The following ZDHHC20 variants were observed in gnomAD, a reference collection of about 807,000 sequenced individuals.
ZDHHC20 encodes palmitoyltransferase ZDHHC20.
Under a neutral mutation model 57.8 loss-of-function variants are expected in ZDHHC20, and 43 were observed. That is an observed-to-expected ratio of 0.74 (90% CI 0.58 to 0.96). ZDHHC20 has a LOEUF of 0.96. Among genes scored for constraint, ZDHHC20 ranks in the 40% least tolerant of loss-of-function variants. The pLI is 0.00. For missense variants in ZDHHC20, 391 were observed against 441.1 expected (o/e 0.89, Z 1.02); for synonymous variants, 157 against 153.0 (o/e 1.03, Z -0.19).
At chr13:21,392,024 C>T (rs890843939) in intron 7 of ZDHHC20, among the ~76,000 whole-genome samples, 170 bp from the exon 8 acceptor site, 2 of 151,940 alleles carry the variant, frequency 1.3e-5, no homozygotes, top group Non-Finnish European at 2.9e-5. Flanking sequence ...TTGGTATTAC[C>T]AAAGCAACCT....
chr13:21,456,499 T>C (rs555656381), intron 1 of ZDHHC20, among the ~76,000 whole-genome samples: 1 of 152,322 alleles, frequency 6.6e-6, no homozygotes, highest in African/African-American at 2.4e-5. Context: ...TCCATTTAAG[T>C]CCTCCTATAA....
At chr13:21,406,541 C>T (rs967311716) in intron 4 of ZDHHC20, among the ~76,000 whole-genome samples, 10 of 151,990 alleles carry the variant, frequency 6.6e-5, no homozygotes, top group African/African-American at 2.4e-4. Flanking sequence ...CCTTCCCCTC[C>T]ACCCCCCGAC....
At chr13:21,396,401 A>T (rs866940213) in intron 7 of ZDHHC20, among the ~76,000 whole-genome samples, 3 of 152,242 alleles carry the variant, frequency 2.0e-5, no homozygotes, top group Middle Eastern at 3.2e-3. Context: ...AAAGTGCCAG[A>T]GGAAAAAAAT....
At chr13:21,401,524 T>C (rs192864405) in intron 6 of ZDHHC20, 129 bp downstream of exon 6, 10 of 731,958 alleles carry the variant, frequency 1.4e-5, no homozygotes, top group African/African-American at 7.5e-5. Context: ...TACAAATCTA[T>C]GCATATATGT....
intron 1 of ZDHHC20, among the ~76,000 whole-genome samples, chr13:21,450,569 A>C (rs893948725): frequency 6.6e-6 from 1 of 152,168 alleles, no homozygotes; most frequent in African/African-American, 2.4e-5. Flanking sequence ...TTAACTCACT[A>C]GTAGTCATGA....
Position 21,374,399 on chromosome 13 carries a change from GT to G in ZDHHC20, c.*2296del. 2 of 455,628 alleles carry G rather than the reference GT, an allele frequency of 4.4e-6. No individual in the cohort carries two copies. Among genetic ancestry groups the G allele is most frequent in the South Asian group, 3.1e-5 (2 of 64,532 alleles). 28.2% of individuals were successfully genotyped at this position (455,628 alleles called of 1,614,324 possible). On this transcript the variant is annotated 3_prime_UTR_variant, in exon 13 of 13. Coordinates refer to ENST00000400590, the MANE Select transcript of ZDHHC20 (RefSeq NM_001330059.2). ...GCCACCATGCCTGGACAGTTTTGGGGTTTTTTTGTATTTTTAGTGGAGACAG... is the reference window on the plus strand; with the variant it reads ...GCCACCATGCCTGGACAGTTTTGGGGTTTTTTGTATTTTTAGTGGAGACAG...
At chr13:21,438,849 G>C in intron 1 of ZDHHC20, among the ~76,000 whole-genome samples, 1 of 152,182 alleles carries the variant, frequency 6.6e-6, no homozygotes, top group East Asian at 1.9e-4. Context: ...CCAGCCTTCA[G>C]CAACAACCTC....
chr13:21,456,927 T>C (rs1222943017), intron 1 of ZDHHC20, among the ~76,000 whole-genome samples: 1 of 152,216 alleles, frequency 6.6e-6, no homozygotes, highest in Non-Finnish European at 1.5e-5. Flanking sequence ...TGAAGTTATA[T>C]GAAAGAACGG....
In ZDHHC20 at chr13:21,376,763, T is replaced by C. The variant is rs1021638104; in HGVS notation, c.*41-108A>G. On this transcript the variant is annotated intron_variant, in intron 12 of 12. Coordinates refer to ENST00000400590, the MANE Select transcript of ZDHHC20 (RefSeq NM_001330059.2). Reference sequence around the variant, plus strand: ...GTACAAAGCTACTAATATAACAAGATGGAAAATGAATTCCTTAACACTACT... The same window carrying C: ...GTACAAAGCTACTAATATAACAAGACGGAAAATGAATTCCTTAACACTACT... 4.1e-5 allele frequency: 26 copies of C among 632,732 alleles called. No homozygotes were observed. The African/African-American group carries it at 4.6e-4, about 11-fold the overall frequency. 39.2% of individuals were successfully genotyped at this position (632,732 alleles called of 1,614,324 possible). A position where few individuals can be genotyped will look rare whatever the true frequency, so the allele number is the denominator to read the frequency against.
chr13:21,442,733 C>T (rs1023942363), intron 1 of ZDHHC20, among the ~76,000 whole-genome samples: 7 of 151,726 alleles, frequency 4.6e-5, no homozygotes, highest in South Asian at 2.1e-4. Context: ...CCAGCCTGGA[C>T]GACAGAGCGA....
chr13:21,454,556 G>A (rs1884746780), intron 1 of ZDHHC20, among the ~76,000 whole-genome samples: 1 of 152,032 alleles, frequency 6.6e-6, no homozygotes, highest in East Asian at 1.9e-4. Context: ...CAATGACCTT[G>A]GTTTCCACAT....
rs185781117 is a variant in ZDHHC20 at position 21,456,169 on chromosome 13, G to A, written c.118+2885C>T. On this transcript the variant is annotated intron_variant, in intron 1 of 12. Transcript: ENST00000400590. ...GCCTGTAATCCCAGCACTTTGGGAG[G>A]CCAAGGTGGGTGGATTGCCTGAGGT... is the stretch of plus-strand genomic sequence containing the variant. Among the ~76,000 whole-genome samples, 500 of 152,284 alleles carry A rather than the reference G, an allele frequency of 3.3e-3. 3 individuals carry two copies. The highest frequency in any genetic ancestry group is 5.4e-3 in the Non-Finnish European group (364 of 68,026).
intron 1 of ZDHHC20, among the ~76,000 whole-genome samples, chr13:21,443,527 G>C (rs1335601172): frequency 6.6e-6 from 1 of 152,176 alleles, no homozygotes; most frequent in Non-Finnish European, 1.5e-5. Context: ...CTATGCCATA[G>C]GCCCAGGTTA....
chr13:21,429,012 GACA>G, intron 1 of ZDHHC20, among the ~76,000 whole-genome samples: 1 of 152,222 alleles, frequency 6.6e-6, no homozygotes, highest in South Asian at 2.1e-4. Context: ...CTCATTTAGA[GACA>G]ACATTAATTT....
At chr13:21,459,026 C>T (rs750236882) in intron 1 of ZDHHC20, 28 bp downstream of exon 1, 6 of 1,553,050 alleles carry the variant, frequency 3.9e-6, no homozygotes, top group East Asian at 4.9e-5. Flanking sequence ...GCCCGCGCCC[C>T]GCCGCAGTCC....
chr13:21,374,662 G>A lies in ZDHHC20; in HGVS notation c.*2034C>T. ...GTTTTCAAAGCTAACTCATTCCTTT[G>A]GTTCAAAAAGAAAAAAAGTTGCCTC... On this transcript the variant is annotated 3_prime_UTR_variant, in exon 13 of 13. Coordinates refer to ENST00000400590, the MANE Select transcript of ZDHHC20 (RefSeq NM_001330059.2). The A allele has an allele frequency of 4.4e-6, 1 of 225,282 alleles. No individual in the cohort carries two copies. Among genetic ancestry groups the A allele is most frequent in the South Asian group, 6.0e-5 (1 of 16,710 alleles). 14.0% of individuals were successfully genotyped at this position (225,282 alleles called of 1,614,324 possible). A position where few individuals can be genotyped will look rare whatever the true frequency, so the allele number is the denominator to read the frequency against.
intron 4 of ZDHHC20, among the ~76,000 whole-genome samples, chr13:21,403,726 C>T (rs972594337): frequency 4.6e-5 from 7 of 152,120 alleles, no homozygotes; most frequent in East Asian, 1.9e-4. Flanking sequence ...GTCGCTCCGT[C>T]GCCCAGGCTG....
At chr13:21,457,100 T>C (rs1425660042) in intron 1 of ZDHHC20, among the ~76,000 whole-genome samples, 1 of 152,206 alleles carries the variant, frequency 6.6e-6, no homozygotes, top group African/African-American at 2.4e-5. Flanking sequence ...CACTAGCACA[T>C]GGCACTTCTC....
chr13:21,455,861 A>T (rs1338209258), intron 1 of ZDHHC20, among the ~76,000 whole-genome samples: 1 of 152,134 alleles, frequency 6.6e-6, no homozygotes, highest in Non-Finnish European at 1.5e-5. Flanking sequence ...CAGGACTGAA[A>T]TCTGCCCTGA....
Sources: gnomAD v4.1 joint callset for allele counts (sites outside exome capture counted in the v4.1 genomes callset) on GRCh38, gnomAD v4.1.1 for gene constraint, MANE v1.5 for transcripts, NCBI Gene and HGNC (gene_info 2026-07-23, HGNC 2026-07-21) for gene names.